Variants in MALRD1 observed in about 807,000 individuals in gnomAD.
MALRD1 encodes the protein MAM and LDL-receptor class A domain-containing protein 1.
In MALRD1, 247 loss-of-function variants were observed where a neutral mutation model predicts 242.1. The observed-to-expected ratio is 1.02, with a 90% confidence interval of 0.92 to 1.13. MALRD1 has a LOEUF of 1.13. MALRD1 is among the 50% of genes most tolerant of loss of function. The pLI is 0.00. For missense variants in MALRD1, 2,989 were observed against 2,533.1 expected, an observed-to-expected ratio of 1.18 and a Z score of -3.86; for synonymous variants, 995 against 866.6, an observed-to-expected ratio of 1.15 and a Z score of -2.60.
At chr10:19,396,358 G>C (rs557026497) in intron 28 of MALRD1, among the ~76,000 whole-genome samples, 1 of 151,786 alleles carries the variant, frequency 6.6e-6, no homozygotes, top group African/African-American at 2.4e-5. Context: ...GGCTGGTGTT[G>C]AACTCCTGGC....
At chr10:19,395,702 G>A (rs1302627040) in intron 28 of MALRD1, among the ~76,000 whole-genome samples, 1 of 152,112 alleles carries the variant, frequency 6.6e-6, no homozygotes, top group Non-Finnish European at 1.5e-5. Flanking sequence ...AGTTAGTTGC[G>A]ACAACATCAC....
At chr10:19,440,555 C>T (rs901705325) in intron 28 of MALRD1, among the ~76,000 whole-genome samples, 4 of 152,146 alleles carry the variant, frequency 2.6e-5, no homozygotes, top group Non-Finnish European at 5.9e-5. Context: ...CAAGTGTTCT[C>T]ATTGTTCAAT....
At chr10:19,425,866 C>T (rs1469835533) in intron 28 of MALRD1, among the ~76,000 whole-genome samples, 1 of 152,116 alleles carries the variant, frequency 6.6e-6, no homozygotes, top group Non-Finnish European at 1.5e-5. Flanking sequence ...GAACCACAGG[C>T]TACCAGCTCA....
chr10:19,405,119 T>C (rs1241863907), intron 28 of MALRD1, among the ~76,000 whole-genome samples: 3 of 152,162 alleles, frequency 2.0e-5, no homozygotes, highest in South Asian at 4.1e-4. Flanking sequence ...GTGTTTTGCA[T>C]ATATACACGT....
At chr10:19,717,908 T>C (rs765672300) in intron 38 of MALRD1, among the ~76,000 whole-genome samples, 3 of 151,844 alleles carry the variant, frequency 2.0e-5, no homozygotes, top group African/African-American at 7.3e-5. Flanking sequence ...TTTCAGCTAC[T>C]TGGGAGGCTG....
chr10:19,647,164 A>T (rs547052371), intron 36 of MALRD1, among the ~76,000 whole-genome samples: 92 of 152,326 alleles, frequency 6.0e-4, no homozygotes, highest in Non-Finnish European at 1.1e-3. Flanking sequence ...CAAATGTGAC[A>T]TTTCATCAAA....
chr10:19,491,098 T>C (rs1314961637), intron 29 of MALRD1: 2 of 297,844 alleles, frequency 6.7e-6, no homozygotes, highest in Admixed American at 4.3e-5. Context: ...TTAAAATTAG[T>C]GTCTTTGCTA....
At chr10:19,505,943 A>G (rs765620387) in intron 31 of MALRD1, among the ~76,000 whole-genome samples, 14 of 152,212 alleles carry the variant, frequency 9.2e-5, no homozygotes, top group Non-Finnish European at 2.1e-4. Context: ...AGAATCATCT[A>G]GGGACTTAAT....
chr10:19,546,924 C>T (rs1233107871), intron 32 of MALRD1, among the ~76,000 whole-genome samples: 1 of 152,114 alleles, frequency 6.6e-6, no homozygotes, highest in African/African-American at 2.4e-5. Flanking sequence ...ATATTTACAA[C>T]TTTTGAAGAA....
intron 32 of MALRD1, among the ~76,000 whole-genome samples, chr10:19,533,827 C>G (rs1318437901): frequency 6.6e-6 from 1 of 152,196 alleles, no homozygotes; most frequent in Non-Finnish European, 1.5e-5. Context: ...GGTCAAATAT[C>G]CAAACTGTAT....
intron 23 of MALRD1, among the ~76,000 whole-genome samples, chr10:19,329,411 G>GACC: frequency 1.7e-5 from 1 of 60,318 alleles, no homozygotes; most frequent in African/African-American, 9.7e-5. Flanking sequence ...TTTTATTTGG[G>GACC]ACCCCCCCCC....
At chr10:19,173,676 T>A (rs1835104423) in intron 13 of MALRD1, among the ~76,000 whole-genome samples, 1 of 152,190 alleles carries the variant, frequency 6.6e-6, no homozygotes, top group Non-Finnish European at 1.5e-5. Flanking sequence ...GTGTTTTTGC[T>A]GCGATTGCTG....
At chr10:19,059,423 T>C (rs889194687) in intron 1 of MALRD1, among the ~76,000 whole-genome samples, 1 of 152,178 alleles carries the variant, frequency 6.6e-6, no homozygotes, top group Non-Finnish European at 1.5e-5. Context: ...ATTCTTGCTC[T>C]GTTGCCCAGG....
intron 28 of MALRD1, among the ~76,000 whole-genome samples, chr10:19,423,662 C>A (rs1833796949): frequency 6.6e-6 from 1 of 152,096 alleles, no homozygotes; most frequent in African/African-American, 2.4e-5. Flanking sequence ...AGCACCCATT[C>A]AGCTTCCAGG....
rs139930449 is a variant in MALRD1 at position 19,503,395 on chromosome 10, G to A, written c.5320+4749G>A. Among the ~76,000 whole-genome samples, 11 of 152,322 alleles carry A rather than the reference G, an allele frequency of 7.2e-5. No individual in the cohort carries two copies. In the East Asian group the frequency reaches 2.1e-3, roughly 29 times the overall value. ...TTGCACTTATTGTTATCAAGATGAA[G>A]AATTAGATACATAAGAGGGCCATTT... On this transcript the variant is annotated intron_variant, in intron 31 of 39. Coordinates refer to ENST00000454679, the MANE Select transcript of MALRD1 (RefSeq NM_001142308.3).
At chr10:19,689,011 G>A (rs1842712585) in intron 36 of MALRD1, among the ~76,000 whole-genome samples, 1 of 152,166 alleles carries the variant, frequency 6.6e-6, no homozygotes, top group Non-Finnish European at 1.5e-5. Context: ...GAAGAGGAAA[G>A]AAAAGCAACA....
At chr10:19,572,978 A>C (rs1182201267) in intron 33 of MALRD1, among the ~76,000 whole-genome samples, 2 of 152,196 alleles carry the variant, frequency 1.3e-5, no homozygotes, top group Admixed American at 6.5e-5. Context: ...TCAGCCATCC[A>C]GCTTGGGATA....
At chr10:19,051,205 G>A (rs1284200888) in intron 1 of MALRD1, among the ~76,000 whole-genome samples, 1 of 151,936 alleles carries the variant, frequency 6.6e-6, no homozygotes, top group East Asian at 1.9e-4. Context: ...TGGCCAAGCA[G>A]TTTCACTCAT....
intron 36 of MALRD1, among the ~76,000 whole-genome samples, chr10:19,687,904 T>C (rs1294756471): frequency 6.6e-6 from 1 of 150,694 alleles, no homozygotes; most frequent in Non-Finnish European, 1.5e-5. Context: ...TATTATTTAT[T>C]TTTTTAATGT....
Sources: gnomAD v4.1 joint callset for allele counts (sites outside exome capture counted in the v4.1 genomes callset) on GRCh38, gnomAD v4.1.1 for gene constraint, MANE v1.5 for transcripts, NCBI Gene and HGNC (gene_info 2026-07-23, HGNC 2026-07-21) for gene names.